The following SSBP3 variants were observed in gnomAD, a reference collection of about 807,000 sequenced individuals.
The protein encoded by SSBP3 is single stranded DNA binding protein 3, also known as single-stranded DNA-binding protein 3.
SSBP3 carries 5 observed loss-of-function variants against 69.6 expected under a neutral mutation model. The ratio of observed to expected loss-of-function variants is 0.07; its 90% CI spans 0.04 to 0.15. The LOEUF is 0.15. Ranked by LOEUF, SSBP3 falls within the 10% of genes least tolerant of loss-of-function variation. The pLI, the probability that SSBP3 is intolerant of heterozygous loss-of-function variation, is 1.00. For missense variants in SSBP3, 312 were observed against 534.0 expected, an observed-to-expected ratio of 0.58 and a Z score of 4.10; for synonymous variants, 196 against 193.4, an observed-to-expected ratio of 1.01 and a Z score of -0.11.
chr1:54,353,571 A>AT (rs1352003000), intron 4 of SSBP3, among the ~76,000 whole-genome samples: 1 of 152,234 alleles, frequency 6.6e-6, no homozygotes, highest in Non-Finnish European at 1.5e-5. Context: ...GTTTTCAAGT[A>AT]TCCAGGTGAC....
chr1:54,240,540 T>G (rs1644615332), intron 13 of SSBP3, among the ~76,000 whole-genome samples: 1 of 146,640 alleles, frequency 6.8e-6, no homozygotes, highest in South Asian at 2.2e-4. Context: ...CTACGGAAAC[T>G]CCAAAGGTAG....
intron 5 of SSBP3, among the ~76,000 whole-genome samples, chr1:54,277,077 G>C (rs1034348737): frequency 1.3e-5 from 2 of 152,148 alleles, no homozygotes; most frequent in African/African-American, 2.4e-5. Context: ...TTGCATATCA[G>C]AGACGGTCAA....
At chr1:54,333,983 G>A (rs910351212) in intron 4 of SSBP3, among the ~76,000 whole-genome samples, 3 of 152,196 alleles carry the variant, frequency 2.0e-5, no homozygotes, top group Admixed American at 2.0e-4. Context: ...TTGAGCCCAG[G>A]AGTTTGAGGC....
chr1:54,246,947 C>T (rs79838259), intron 9 of SSBP3, among the ~76,000 whole-genome samples: 6 of 152,238 alleles, frequency 3.9e-5, no homozygotes, highest in Admixed American at 1.3e-4. Context: ...GAGGTGATGA[C>T]GGTGAAGCTG....
intron 4 of SSBP3, among the ~76,000 whole-genome samples, chr1:54,299,283 C>T (rs1037754117): frequency 2.0e-5 from 3 of 152,154 alleles, no homozygotes; most frequent in African/African-American, 7.2e-5. Context: ...AAGAATGGAG[C>T]CACCCTGCCC....
intron 4 of SSBP3, among the ~76,000 whole-genome samples, chr1:54,360,712 T>A (rs1646937553): frequency 6.6e-6 from 1 of 152,150 alleles, no homozygotes; most frequent in African/African-American, 2.4e-5. Flanking sequence ...GGGAAGTTAC[T>A]GAACCTCCTC....
At chr1:54,376,414 G>C (rs1018401366) in intron 4 of SSBP3, among the ~76,000 whole-genome samples, 1 of 152,198 alleles carries the variant, frequency 6.6e-6, no homozygotes, top group Non-Finnish European at 1.5e-5. Context: ...TCAAGGAATG[G>C]TGCTCCCAAC....
At chr1:54,372,571 C>T (rs1647152646) in intron 4 of SSBP3, among the ~76,000 whole-genome samples, 1 of 152,214 alleles carries the variant, frequency 6.6e-6, no homozygotes. Flanking sequence ...CAACAATCAA[C>T]ACAATCCTGG....
intron 5 of SSBP3, among the ~76,000 whole-genome samples, chr1:54,272,717 G>T (rs1475483881): frequency 6.6e-6 from 1 of 152,216 alleles, no homozygotes; most frequent in Non-Finnish European, 1.5e-5. Flanking sequence ...CTGCGGCAGA[G>T]CAGCTTCCAG....
chr1:54,246,008 C>T (rs910801226), intron 9 of SSBP3, among the ~76,000 whole-genome samples: 6 of 152,202 alleles, frequency 3.9e-5, no homozygotes, highest in Non-Finnish European at 5.9e-5. Flanking sequence ...TGCAGTTGTG[C>T]GTGGCTGAGC....
chr1:54,255,078 G>A (rs373165809), intron 7 of SSBP3, among the ~76,000 whole-genome samples: 2 of 141,558 alleles, frequency 1.4e-5, no homozygotes, highest in East Asian at 4.4e-4. Flanking sequence ...TGATCCACCC[G>A]CCTGAGCCTC....
At chr1:54,386,318 T>C (rs962521314) in intron 4 of SSBP3, among the ~76,000 whole-genome samples, 2 of 152,322 alleles carry the variant, frequency 1.3e-5, no homozygotes, top group South Asian at 4.1e-4. Flanking sequence ...ATTCTTAGGA[T>C]TGACATCCTT....
intron 9 of SSBP3, among the ~76,000 whole-genome samples, chr1:54,246,032 T>G (rs2100679142): frequency 6.6e-6 from 1 of 152,256 alleles, no homozygotes; most frequent in East Asian, 1.9e-4. Flanking sequence ...GGTGAAGCCC[T>G]GCAGCATGGC....
chr1:54,329,392 C>T (rs1485998842), intron 4 of SSBP3, among the ~76,000 whole-genome samples: 1 of 152,222 alleles, frequency 6.6e-6, no homozygotes, highest in Non-Finnish European at 1.5e-5. Flanking sequence ...AAACCTCTTC[C>T]TTTCTTCCTT....
At chr1:54,228,859 C>A (rs369883418) in intron 14 of SSBP3, 33 bp from the exon 15 acceptor site, 3 of 1,598,646 alleles carry the variant, frequency 1.9e-6, no homozygotes, top group East Asian at 2.3e-5. Flanking sequence ...GGCAGCTCAG[C>A]GGGCCCTGGC....
chr1:54,270,509 C>T (rs1277689249), intron 5 of SSBP3, among the ~76,000 whole-genome samples: 2 of 152,170 alleles, frequency 1.3e-5, no homozygotes, highest in Non-Finnish European at 2.9e-5. Flanking sequence ...ATATGTTGGT[C>T]AAACTGAAGG....
chr1:54,368,599 C>CT (rs1452188010), intron 4 of SSBP3, among the ~76,000 whole-genome samples: 1 of 152,192 alleles, frequency 6.6e-6, no homozygotes, highest in Non-Finnish European at 1.5e-5. Flanking sequence ...GAATTACTGT[C>CT]TTTTTTTAAA....
At chr1:54,252,241 T>C (rs72664200) in intron 7 of SSBP3, among the ~76,000 whole-genome samples, 4,665 of 152,322 alleles carry the variant, frequency 0.031, 97 homozygotes, top group Non-Finnish European at 0.047. Flanking sequence ...ACTCCCTCCT[T>C]CTGCCCAAAC....
chr1:54,369,222 G>GGC (rs1553146722), intron 4 of SSBP3, among the ~76,000 whole-genome samples: 1 of 150,892 alleles, frequency 6.6e-6, no homozygotes, highest in African/African-American at 2.4e-5. Flanking sequence ...TTGAGTCGGG[G>GGC]GGGGGGCCCA....
Sources: allele counts gnomAD v4.1 joint callset (sites outside exome capture counted in the v4.1 genomes callset), GRCh38; gene constraint gnomAD v4.1.1; transcripts MANE v1.5; gene names NCBI Gene and HGNC (gene_info 2026-07-23, HGNC 2026-07-21).